TONSL: variants seen among roughly 807,000 people sequenced by gnomAD.
The protein encoded by TONSL is tonsoku like, DNA repair protein, also known as tonsoku-like protein.
In TONSL, 112 loss-of-function variants were observed where a neutral mutation model predicts 147.1. The observed-to-expected ratio is 0.76, with a 90% confidence interval of 0.65 to 0.89. TONSL has a LOEUF of 0.89. Among genes scored for constraint, TONSL ranks in the 40% least tolerant of loss-of-function variants. The pLI is 0.00. For synonymous variants in TONSL, 868 were observed against 801.5 expected (o/e 1.08, Z -1.40); for missense variants, 1,883 against 1,864.6 (o/e 1.01, Z -0.18).
chr8:144,439,760 A>ACGTGCCTCTCTAACGGGAC (rs1823628233), intron 11 of TONSL: 4 of 515,300 alleles, frequency 7.8e-6, no homozygotes, highest in Admixed American at 8.0e-5. Flanking sequence ...CCCAGATGGC[A>ACGTGCCTCTCTAACGGGAC]CGTGCCTCTC....
At chr8:144,432,483 C>G (rs377263580) in intron 22 of TONSL, 23 bp from the exon 23 acceptor site, 1 of 1,519,602 alleles carries the variant, frequency 6.6e-7, no homozygotes. Flanking sequence ...CAGAATCCGT[C>G]AGCCCCACGT....
Position 144,435,815 on chromosome 8 carries a change from C to T in TONSL, c.2618G>A (p.Arg873His), listed in dbSNP as rs982377750. The T allele has an allele frequency of 1.9e-5, 31 of 1,612,492 alleles. No individual in the cohort carries two copies. The highest frequency in any genetic ancestry group is 1.8e-4 in the East Asian group (8 of 44,844). ...SGSDSEESRP[R>H]ARAKQVRLTC... ...CAGGCGGACCTGCTTGGCTCGGGCA[C>T]GGGGCCTGCTCTCCTCACTGTCCGA... The change falls in exon 17 of 26, where the codon CGT becomes CAT. Residue 873 changes from arginine to histidine, a missense_variant. Arg to His is a conservative substitution (Grantham distance 29). Transcript: ENST00000409379.
At position 144,444,359 on chromosome 8, in the gene TONSL, C is replaced by G. The variant is rs374519607; in HGVS notation, c.25+31G>C. On this transcript the variant is annotated intron_variant, in intron 1 of 25. Coordinates refer to ENST00000409379, the MANE Select transcript of TONSL (RefSeq NM_013432.5). Reference sequence around the variant, plus strand: ...CCCAAGCCCTCCCCAGCCTCCGCGCCCCCGGAGGAAGGGGTCCCCGAGGAA... The same window carrying G: ...CCCAAGCCCTCCCCAGCCTCCGCGCGCCCGGAGGAAGGGGTCCCCGAGGAA... 3.2e-5 allele frequency: 41 copies of G among 1,284,082 alleles called. No homozygotes were observed. The African/African-American group carries it at 5.4e-4, about 17-fold the overall frequency. 79.5% of individuals were successfully genotyped at this position (1,284,082 alleles called of 1,614,324 possible).
rs574601150 is a variant in TONSL, at chr8:144,435,654, C to G, written c.2775+4G>C. The G allele has an allele frequency of 1.2e-4, 185 of 1,596,342 alleles. No homozygotes were observed. The highest frequency in any genetic ancestry group is 1.5e-4 in the Non-Finnish European group (173 of 1,167,710). The stretch of plus-strand genomic sequence containing the variant: ...AGGGCTCTGCTCCAGGTCTGCATAC[C>G]CACCAAGGGCTGGCCTGCCGCAGAG... On this transcript the variant is annotated splice_donor_region_variant and intron_variant, in intron 17 of 25. Coordinates refer to ENST00000409379, the MANE Select transcript of TONSL (RefSeq NM_013432.5).
rs766239378 is a variant in TONSL at position 144,436,750 on chromosome 8, G to C, written c.1890+7C>G. 1 of 1,610,632 alleles carries C rather than the reference G, an allele frequency of 6.2e-7. No individual in the cohort carries two copies. Among genetic ancestry groups the C allele is most frequent in the South Asian group, 1.1e-5 (1 of 91,032 alleles). On this transcript the variant is annotated splice_region_variant and intron_variant, in intron 15 of 25. Transcript: ENST00000409379. ...CTCGCCCTTGCCCTCTGCCCCACCAGGCTCACCTTTCGAGTGCGGAGGGTG... is the reference window on the plus strand; with the variant it reads ...CTCGCCCTTGCCCTCTGCCCCACCACGCTCACCTTTCGAGTGCGGAGGGTG...
At position 144,429,107 on chromosome 8, in the gene TONSL, G is replaced by A. The variant is rs1823047953; in HGVS notation, c.*36C>T. 8 of 1,489,806 alleles carry A rather than the reference G, an allele frequency of 5.4e-6. No homozygotes were observed. The highest frequency in any genetic ancestry group is 7.1e-6 in the Non-Finnish European group (8 of 1,125,174). The allele number at this position is 1,489,806 out of a possible 1,614,324, so 92.3% of individuals were successfully genotyped here. A position where few individuals can be genotyped will look rare whatever the true frequency, so the allele number is the denominator to read the frequency against. ...CCCGGCCAGCAGCTTCATTTATTAG[G>A]GGCTTCGGTGAGGGTGGGGAAAGGC... On this transcript the variant is annotated 3_prime_UTR_variant, in exon 26 of 26. Transcript: ENST00000409379.
chr8:144,437,874 A>C (rs1007657563), intron 13 of TONSL: 5 of 157,348 alleles, frequency 3.2e-5, no homozygotes, highest in Admixed American at 3.0e-4. Flanking sequence ...CCAAAGTGCT[A>C]GGATTATAGA....
chr8:144,437,493 G>A (rs545114988), intron 13 of TONSL, among the ~76,000 whole-genome samples: 2 of 148,564 alleles, frequency 1.3e-5, no homozygotes, highest in Admixed American at 6.7e-5. Context: ...TTTTTTTTTT[G>A]AGACCAGCCA....
At position 144,436,413 on chromosome 8, in the gene TONSL, G is replaced by C. The variant is rs1214510058; in HGVS notation, c.2020C>G (p.His674Asp). ...GGGGTGTGGAAGGCCTGGGAGCTGT[G>C]GGGATCTGTGGGAGAGAGAATGCGT... ...LQAAASGQDP[H>D]SSQAFHTPSS... is the part of the protein sequence containing the mutation. The change falls in exon 17 of 26, where the codon CAC becomes GAC. Residue 674 changes from histidine (H) to aspartate (D), a missense_variant. Transcript: ENST00000409379. 22 of 1,513,384 alleles carry C rather than the reference G, an allele frequency of 1.5e-5. No homozygotes were observed. The highest frequency in any genetic ancestry group is 1.8e-5 in the Non-Finnish European group (20 of 1,136,308). 93.7% of individuals were successfully genotyped at this position (1,513,384 alleles called of 1,614,324 possible). A position where few individuals can be genotyped will look rare whatever the true frequency, so the allele number is the denominator to read the frequency against.
At chr8:144,437,498 C>T (rs1823516938) in intron 13 of TONSL, among the ~76,000 whole-genome samples, 1 of 151,572 alleles carries the variant, frequency 6.6e-6, no homozygotes, top group Non-Finnish European at 1.5e-5. Context: ...TTTTTGAGAC[C>T]AGCCAGGCTG....
Position 144,444,108 on chromosome 8 carries a change from C to T in TONSL, c.121+72G>A, listed in dbSNP as rs1379926843. 1.3e-5 allele frequency: 17 copies of T among 1,303,894 alleles called. 1 individual carries two copies. In the South Asian group the frequency reaches 1.4e-4, roughly 11 times the overall value. The allele number at this position is 1,303,894 out of a possible 1,614,324, so 80.8% of individuals were successfully genotyped here. A position where few individuals can be genotyped will look rare whatever the true frequency, so the allele number is the denominator to read the frequency against. The stretch of plus-strand genomic sequence containing the variant: ...CGGCGTCTGCCGGAAGAGCCCGTCG[C>T]CCCCCGGCCCCCGATCCCGGCCCGG... On this transcript the variant is annotated intron_variant, in intron 2 of 25. Coordinates refer to ENST00000409379, the MANE Select transcript of TONSL (RefSeq NM_013432.5).
Position 144,429,037 on chromosome 8 carries a change from C to T in TONSL, c.*106G>A, listed in dbSNP as rs1175347584. 2.3e-6 allele frequency: 3 copies of T among 1,298,522 alleles called. No homozygotes were observed. In the Admixed American group the frequency reaches 9.1e-5, roughly 39 times the overall value. The allele number at this position is 1,298,522 out of a possible 1,614,324, so 80.4% of individuals were successfully genotyped here. On this transcript the variant is annotated 3_prime_UTR_variant, in exon 26 of 26. Coordinates refer to ENST00000409379, the MANE Select transcript of TONSL (RefSeq NM_013432.5). ...ATCTCCTGACCTCGTGATCCGCCCG[C>T]CTGGGCCTCCCAAAGTGTTGGGATT...
In TONSL at chr8:144,432,298, C is replaced by T. The variant is rs1179072396; in HGVS notation, c.3722G>A (p.Arg1241Gln). ...GDSDLMEPVF[R>Q]YLAKEGCALA... is the part of the protein sequence containing the mutation. ...CCCACCTCGTACCTTGGCCAGGTAT[C>T]GGAATACAGGCTCCATGAGGTCCGA... Residue 1241 changes from arginine (R) to glutamine (Q), a missense_variant, in exon 23 of 26, where the codon CGA (arginine) becomes CAA (glutamine). By Grantham distance (43) the Arg-to-Gln change is conservative (BLOSUM62 1). Coordinates refer to ENST00000409379, the MANE Select transcript of TONSL (RefSeq NM_013432.5). 3.1e-6 allele frequency: 5 copies of T among 1,613,610 alleles called. 1 individual carries two copies. The East Asian group carries it at 6.7e-5, about 22-fold the overall frequency.
At chr8:144,438,366 T>C (rs1163881623) in intron 13 of TONSL, 105 bp downstream of exon 13, 8 of 1,282,908 alleles carry the variant, frequency 6.2e-6, no homozygotes, top group Admixed American at 4.1e-5. Flanking sequence ...AGGGGCCCCA[T>C]TTTGAAGATG....
chr8:144,440,169 C>T lies in TONSL; in HGVS notation c.1332G>A (p.Leu444=), dbSNP rs1479179179. The change falls in exon 11 of 26, where the codon CTG becomes CTA. Residue 444 remains leucine, a synonymous_variant. Coordinates refer to ENST00000409379, the MANE Select transcript of TONSL (RefSeq NM_013432.5). ...CGGTCTCAGGGGCCTCCTGGGGCTGCAGCCTCAGCTGCACGGTATGGAGAT... is the reference window on the plus strand; with the variant it reads ...CGGTCTCAGGGGCCTCCTGGGGCTGTAGCCTCAGCTGCACGGTATGGAGAT... ...LQHLHTVQLR[L]QPQEAPETET... 3 of 1,610,318 alleles carry T rather than the reference C, an allele frequency of 1.9e-6. No individual in the cohort carries two copies. Among genetic ancestry groups the T allele is most frequent in the East Asian group, 2.2e-5 (1 of 44,842 alleles).
In TONSL at chr8:144,442,778, C is replaced by T; in HGVS notation, c.477G>A (p.Glu159=). 1 of 1,612,604 alleles carries T rather than the reference C, an allele frequency of 6.2e-7. No individual in the cohort carries two copies. ...GGTTGAGATAGAGGCGGGTCCTCAT[C>T]TCATTCAGCTCTCCCTGGGCCAGTG... ...EGTLAQGELN[E]MRTRLYLNLG... The change falls in exon 5 of 26, where the codon GAG becomes GAA. Residue 159 remains glutamate (E), a synonymous_variant. Transcript: ENST00000409379.
chr8:144,437,475 G>A (rs1451122855), intron 13 of TONSL, among the ~76,000 whole-genome samples: 5 of 151,980 alleles, frequency 3.3e-5, no homozygotes, highest in Admixed American at 3.3e-4. Flanking sequence ...CACACAGCAG[G>A]TACCCCATTT....
intron 20 of TONSL, 117 bp downstream of exon 20, chr8:144,434,694 T>C (rs947950797): frequency 8.8e-7 from 1 of 1,134,578 alleles, no homozygotes; most frequent in Non-Finnish European, 1.2e-6. Flanking sequence ...CCCACCAGGC[T>C]GGGGGAGGTG....
At position 144,440,976 on chromosome 8, in the gene TONSL, T is replaced by G; in HGVS notation, c.1001A>C (p.Tyr334Ser). ...AGDFPRAAEAYQKQLRFAELL... is the reference protein window; with the variant it reads ...AGDFPRAAEASQKQLRFAELL... ...GCCGGGGCCACACACCTGCTTCTGG[T>G]AAGCCTCAGCTGCCCTGGGAAAGTC... Residue 334 changes from tyrosine to serine, a missense_variant, in exon 8 of 26, where the codon TAC becomes TCC. Coordinates refer to ENST00000409379, the MANE Select transcript of TONSL (RefSeq NM_013432.5). 1.2e-6 allele frequency: 2 copies of G among 1,613,110 alleles called. No homozygotes were observed. The highest frequency in any genetic ancestry group is 1.7e-6 in the Non-Finnish European group (2 of 1,179,972).
Sources: gnomAD v4.1 joint callset for allele counts (sites outside exome capture counted in the v4.1 genomes callset) on GRCh38, gnomAD v4.1.1 for gene constraint, MANE v1.5 for transcripts, NCBI Gene and HGNC (gene_info 2026-07-23, HGNC 2026-07-21) for gene names.